Variants in ARMC9 observed in about 807,000 individuals in gnomAD.
ARMC9 encodes armadillo repeat containing 9, also known as lisH domain-containing protein ARMC9.
A neutral mutation model predicts 107.0 loss-of-function variants in ARMC9; 94 were observed. The ratio of observed to expected loss-of-function variants is 0.88; its 90% confidence interval spans 0.74 to 1.04. ARMC9 has a LOEUF of 1.04. ARMC9 is among the 50% of genes least tolerant of loss of function. The pLI is 0.00. For synonymous variants in ARMC9, 380 were observed against 396.9 expected (o/e 0.96, Z 0.51); for missense variants, 942 against 1,030.1 (o/e 0.91, Z 1.17).
chr2:231,227,390 C>T (rs1338247960), intron 7 of ARMC9, among the ~76,000 whole-genome samples: 1 of 152,152 alleles, frequency 6.6e-6, no homozygotes, highest in East Asian at 1.9e-4. Context: ...CTCAGTTTTG[C>T]CTTTGATACT....
In ARMC9 at chr2:231,374,512, G is replaced by T. The variant is rs2046135936; in HGVS notation, c.*2977G>T. On this transcript the variant is annotated 3_prime_UTR_variant, in exon 25 of 25. Transcript: ENST00000611582. ...ATGCCAGAGATTAGTCAATAGGTGA[G>T]GAAAGATTTGGCCCAAATCAAAAGA... The T allele has an allele frequency of 6.7e-6, 1 of 149,588 alleles. No individual in the cohort carries two copies. The highest frequency in any genetic ancestry group is 2.1e-4 in the South Asian group (1 of 4,764). The allele number at this position is 149,588 out of a possible 1,614,324, so 9.3% of individuals were successfully genotyped here. A position where few individuals can be genotyped will look rare whatever the true frequency, so the allele number is the denominator to read the frequency against.
chr2:231,287,305 A>G (rs1209857466), intron 17 of ARMC9, among the ~76,000 whole-genome samples: 1 of 152,062 alleles, frequency 6.6e-6, no homozygotes, highest in Non-Finnish European at 1.5e-5. Context: ...GATCCTCCAC[A>G]TTGCCCACTT....
At position 231,276,723 on chromosome 2, in the gene ARMC9, C is replaced by G. The variant is rs2039792539; in HGVS notation, c.1422C>G (p.Tyr474Ter). 4 of 1,614,200 alleles carry G rather than the reference C, an allele frequency of 2.5e-6. No homozygotes were observed. In the South Asian group the frequency reaches 3.3e-5, roughly 13 times the overall value. ...VLKDPDCLSD[Y>*]TLEYSVALLM... ...AGGACCCTGACTGCCTGTCTGACTACACGCTGGAGTACTCGGTGGCTTTGC... is the reference window on the plus strand; with the variant it reads ...AGGACCCTGACTGCCTGTCTGACTAGACGCTGGAGTACTCGGTGGCTTTGC... The change falls in exon 15 of 25, where the codon TAC becomes TAG. Residue 474 changes from tyrosine (Y) to a stop codon, truncating the protein, a stop_gained. Coordinates refer to ENST00000611582, the MANE Select transcript of ARMC9 (RefSeq NM_001352754.2). LOFTEE classifies it high-confidence loss of function.
At chr2:231,348,459 A>G (rs944778668) in intron 21 of ARMC9, among the ~76,000 whole-genome samples, 5 of 152,250 alleles carry the variant, frequency 3.3e-5, no homozygotes, top group African/African-American at 1.2e-4. Flanking sequence ...AGTTTGTGGT[A>G]AGACTGCAAA....
chr2:231,238,884 A>G (rs1035824756), intron 8 of ARMC9, among the ~76,000 whole-genome samples: 1 of 152,222 alleles, frequency 6.6e-6, no homozygotes, highest in African/African-American at 2.4e-5. Context: ...CAGGAGGCCC[A>G]GGAGGAGAGA....
chr2:231,316,166 G>A (rs1315288792), intron 19 of ARMC9, among the ~76,000 whole-genome samples: 7 of 78,464 alleles, frequency 8.9e-5, no homozygotes, highest in Non-Finnish European at 1.3e-4. Flanking sequence ...ATGTATGTGT[G>A]TGTGTGTGTG....
chr2:231,331,736 G>T, intron 19 of ARMC9, 57 bp from the exon 20 acceptor site: 2 of 1,493,454 alleles, frequency 1.3e-6, no homozygotes, highest in South Asian at 2.3e-5. Context: ...GGGGAGCCAC[G>T]CCTTGGGAGC....
chr2:231,208,239 CAT>C lies in ARMC9; in HGVS notation c.165_166del (p.Leu56AspfsTer11). 1 of 1,607,500 alleles carries C rather than the reference CAT, an allele frequency of 6.2e-7. No homozygotes were observed. The highest frequency in any genetic ancestry group is 8.5e-7 in the Non-Finnish European group (1 of 1,176,802). The stretch of plus-strand genomic sequence containing the variant: ...GGCGGATCTTTCAGAGACTCCAAAT[CAT>C]TGACAATTCAGGTAACATTTTGCTT... On this transcript the variant is annotated frameshift_variant, in exon 3 of 25. Coordinates refer to ENST00000611582, the MANE Select transcript of ARMC9 (RefSeq NM_001352754.2). LOFTEE classifies it high-confidence loss of function.
chr2:231,339,659 G>T (rs1222719602), intron 20 of ARMC9, among the ~76,000 whole-genome samples: 1 of 152,176 alleles, frequency 6.6e-6, no homozygotes, highest in African/African-American at 2.4e-5. Context: ...AAAACACTAG[G>T]CCGGGAGCAG....
intron 15 of ARMC9, among the ~76,000 whole-genome samples, chr2:231,277,401 A>G (rs749204172): frequency 1.6e-4 from 25 of 152,124 alleles, no homozygotes; most frequent in Non-Finnish European, 3.1e-4. Flanking sequence ...CAGTGTTAGG[A>G]GAGAAAGGCT....
At chr2:231,359,914 A>G (rs999956493) in intron 22 of ARMC9, among the ~76,000 whole-genome samples, 3 of 152,178 alleles carry the variant, frequency 2.0e-5, no homozygotes, top group Non-Finnish European at 4.4e-5. Flanking sequence ...ATTTAAGATT[A>G]AACAGATCAC....
At chr2:231,296,015 A>C in intron 18 of ARMC9, 183 bp from the exon 19 acceptor site, 1 of 412,790 alleles carries the variant, frequency 2.4e-6, no homozygotes, top group Non-Finnish European at 4.3e-6. Context: ...ACTATTTAAA[A>C]TTGCTTAGGA....
At chr2:231,205,806 G>A (rs915212302) in intron 1 of ARMC9, among the ~76,000 whole-genome samples, 1 of 152,194 alleles carries the variant, frequency 6.6e-6, no homozygotes, top group African/African-American at 2.4e-5. Context: ...TCTATTCCTT[G>A]CCTTATGCAG....
At chr2:231,263,918 A>G (rs1417335097) in intron 12 of ARMC9, among the ~76,000 whole-genome samples, 1 of 152,176 alleles carries the variant, frequency 6.6e-6, no homozygotes, top group Non-Finnish European at 1.5e-5. Flanking sequence ...TTCTAACATT[A>G]TTTCATTGAG....
rs1478556067 is a variant in ARMC9 at position 231,372,003 on chromosome 2, G to C, written c.*468G>C. On this transcript the variant is annotated 3_prime_UTR_variant, in exon 25 of 25. Coordinates refer to ENST00000611582, the MANE Select transcript of ARMC9 (RefSeq NM_001352754.2). ...ACTACCAGGACCCAGAAGGAACTCA[G>C]GGTGAAGCTCATTTTATTCTCAAGC... is the stretch of plus-strand genomic sequence containing the variant. The C allele has an allele frequency of 1.9e-5, 3 of 160,554 alleles. No individual in the cohort carries two copies. Among genetic ancestry groups the C allele is most frequent in the Non-Finnish European group, 2.7e-5 (2 of 73,888 alleles). 9.9% of individuals were successfully genotyped at this position (160,554 alleles called of 1,614,324 possible). A position where few individuals can be genotyped will look rare whatever the true frequency, so the allele number is the denominator to read the frequency against.
chr2:231,207,239 T>C (rs1209670763), intron 2 of ARMC9, among the ~76,000 whole-genome samples: 2 of 152,174 alleles, frequency 1.3e-5, no homozygotes, highest in Non-Finnish European at 2.9e-5. Context: ...AACTCTTGGC[T>C]TCAAGCAATC....
chr2:231,316,352 G>C (rs2042678857), intron 19 of ARMC9, among the ~76,000 whole-genome samples: 6 of 151,656 alleles, frequency 4.0e-5, no homozygotes, highest in Admixed American at 3.9e-4. Flanking sequence ...TTGAAGCATA[G>C]TTTCACTGCA....
At chr2:231,264,638 C>T (rs1215541392) in intron 12 of ARMC9, among the ~76,000 whole-genome samples, 1 of 152,164 alleles carries the variant, frequency 6.6e-6, no homozygotes, top group East Asian at 1.9e-4. Flanking sequence ...GCTGGGATTA[C>T]AGGCATGCGC....
chr2:231,209,925 C>T (rs2032579564), intron 3 of ARMC9, among the ~76,000 whole-genome samples: 1 of 152,226 alleles, frequency 6.6e-6, no homozygotes, highest in South Asian at 2.1e-4. Context: ...CTCAAGTGAT[C>T]TTCCTGCCTC....
Sources: gnomAD v4.1 joint callset for allele counts (sites outside exome capture counted in the v4.1 genomes callset) on GRCh38, gnomAD v4.1.1 for gene constraint, MANE v1.5 for transcripts, NCBI Gene and HGNC (gene_info 2026-07-23, HGNC 2026-07-21) for gene names.